TBC1D8: variants seen among roughly 807,000 people sequenced by gnomAD.
TBC1D8 encodes BUB2-like protein 1.
In TBC1D8, 65 loss-of-function variants were observed where a neutral mutation model predicts 118.8. The ratio of observed to expected loss-of-function variants is 0.55; its 90% confidence interval spans 0.45 to 0.67. TBC1D8 has a LOEUF of 0.67. Ranked by LOEUF, TBC1D8 falls within the 30% of genes least tolerant of loss-of-function variation. The pLI is 0.00. For synonymous variants in TBC1D8, 566 were observed against 595.8 expected (o/e 0.95, Z 0.73); for missense variants, 1,376 against 1,471.2 (o/e 0.94, Z 1.06).
At chr2:101,080,559 A>G (rs868812891) in intron 2 of TBC1D8, among the ~76,000 whole-genome samples, 10 of 152,208 alleles carry the variant, frequency 6.6e-5, no homozygotes, top group Non-Finnish European at 1.0e-4. Flanking sequence ...TGCGTCAGAA[A>G]GAACGCTCTG....
intron 16 of TBC1D8, among the ~76,000 whole-genome samples, 196 bp from the exon 17 acceptor site, chr2:101,021,942 G>A (rs188342283): frequency 9.1e-4 from 138 of 152,278 alleles, no homozygotes; most frequent in African/African-American, 3.2e-3. Flanking sequence ...ACGGAACTTT[G>A]TGAATGTTGT....
At chr2:101,128,434 G>A (rs2104250421) in intron 1 of TBC1D8, among the ~76,000 whole-genome samples, 1 of 152,308 alleles carries the variant, frequency 6.6e-6, no homozygotes, top group Non-Finnish European at 1.5e-5. Flanking sequence ...AGGGGCCCAT[G>A]ACTGGGGCCT....
intron 5 of TBC1D8, among the ~76,000 whole-genome samples, chr2:101,046,404 T>C (rs894553615): frequency 1.3e-4 from 20 of 152,222 alleles, no homozygotes; most frequent in Non-Finnish European, 2.1e-4. Flanking sequence ...CTCCATCCTC[T>C]TCCTCCTGTC....
At chr2:101,012,056 A>G (rs919874967) in intron 17 of TBC1D8, among the ~76,000 whole-genome samples, 11 of 152,250 alleles carry the variant, frequency 7.2e-5, no homozygotes, top group African/African-American at 2.7e-4. Flanking sequence ...TCTTAGTATT[A>G]GGAGTGTTCT....
chr2:101,011,064 A>G (rs1679173334), intron 18 of TBC1D8, 38 bp from the exon 19 acceptor site: 2 of 1,590,712 alleles, frequency 1.3e-6, no homozygotes, highest in Non-Finnish European at 8.6e-7. Flanking sequence ...TTTAATTTAA[A>G]TAAATTCAGT....
intron 2 of TBC1D8, among the ~76,000 whole-genome samples, chr2:101,059,808 G>C (rs946958204): frequency 6.6e-6 from 1 of 152,096 alleles, no homozygotes; most frequent in Non-Finnish European, 1.5e-5. Flanking sequence ...GCGTGGTGGC[G>C]GGCACCTGTA....
intron 1 of TBC1D8, among the ~76,000 whole-genome samples, chr2:101,104,997 C>A (rs538900867): frequency 6.7e-6 from 1 of 148,174 alleles, no homozygotes; most frequent in East Asian, 2.0e-4. Context: ...TGCACTCCAG[C>A]CTGGGCAACA....
intron 1 of TBC1D8, among the ~76,000 whole-genome samples, chr2:101,107,654 T>A (rs1395465972): frequency 1.3e-5 from 2 of 152,196 alleles, no homozygotes; most frequent in Non-Finnish European, 2.9e-5. Context: ...AGATTTGGTT[T>A]CTACTACCAT....
intron 2 of TBC1D8, among the ~76,000 whole-genome samples, chr2:101,065,804 A>G (rs1052036844): frequency 1.3e-5 from 2 of 152,244 alleles, no homozygotes; most frequent in Admixed American, 6.5e-5. Context: ...TTAATTTATA[A>G]TTGAAGTGGT....
intron 2 of TBC1D8, among the ~76,000 whole-genome samples, chr2:101,066,971 C>CAAAAAAAAAAAAAAAA (rs1683052417): frequency 7.8e-6 from 1 of 128,500 alleles, no homozygotes. Flanking sequence ...AAAAAAAAAT[C>CAAAAAAAAAAAAAAAA]AAAGTTATAC....
intron 11 of TBC1D8, chr2:101,030,058 T>A (rs1680579880): frequency 3.3e-6 from 1 of 306,248 alleles, no homozygotes; most frequent in African/African-American, 2.1e-5. Context: ...AAAAAATATA[T>A]CTGAAATAGA....
chr2:101,018,526 G>A (rs1679822784), intron 17 of TBC1D8, among the ~76,000 whole-genome samples: 1 of 152,198 alleles, frequency 6.6e-6, no homozygotes, highest in East Asian at 1.9e-4. Flanking sequence ...TTCACAGAAA[G>A]CTGAACACAA....
chr2:101,029,801 C>T (rs1680566964), intron 11 of TBC1D8, 25 bp from the exon 12 acceptor site: 1 of 1,607,124 alleles, frequency 6.2e-7, no homozygotes, highest in Non-Finnish European at 8.5e-7. Context: ...GCACAGGGCT[C>T]TGGCTGGGGT....
intron 17 of TBC1D8, chr2:101,018,925 A>C (rs1457612752): frequency 1.3e-6 from 2 of 1,567,086 alleles, no homozygotes; most frequent in South Asian, 1.2e-5. Flanking sequence ...TTGATGTCCT[A>C]ATCTTCTGGA....
Position 101,111,467 on chromosome 2 carries a change from G to A in TBC1D8, c.128-21103C>T, listed in dbSNP as rs186913042. On this transcript the variant is annotated intron_variant, in intron 1 of 19. Coordinates refer to ENST00000409318, the MANE Select transcript of TBC1D8 (RefSeq NM_001330348.2). ...ACAACACGAATGCCTGAGTGTGTGC[G>A]CGAGTGCAGGTCCGGAGGAGCATTT... is the stretch of plus-strand genomic sequence containing the variant. Among the ~76,000 whole-genome samples the A allele has an allele frequency of 4.3e-3, 662 of 152,324 alleles. 3 individuals carry two copies. Among genetic ancestry groups the A allele is most frequent in the Non-Finnish European group, 6.2e-3 (424 of 68,022 alleles).
At chr2:101,141,190 C>T (rs993614858) in intron 1 of TBC1D8, among the ~76,000 whole-genome samples, 6 of 152,042 alleles carry the variant, frequency 3.9e-5, no homozygotes, top group Admixed American at 2.0e-4. Flanking sequence ...TCAGTTAGAT[C>T]GTGAGTCAAT....
At chr2:101,032,472 AAAAGT>A (rs1680729388) in intron 10 of TBC1D8, 87 bp from the exon 11 acceptor site, 3 of 1,106,822 alleles carry the variant, frequency 2.7e-6, no homozygotes, top group Admixed American at 3.9e-5. Context: ...AACAACCCAC[AAAAGT>A]AAAGATTTCA....
chr2:101,053,958 A>G (rs969993489), intron 4 of TBC1D8, 150 bp downstream of exon 4: 10 of 679,868 alleles, frequency 1.5e-5, no homozygotes, highest in Non-Finnish European at 2.5e-5. Flanking sequence ...TGCTAGCAGT[A>G]GCATATATAA....
intron 10 of TBC1D8, chr2:101,032,605 G>A (rs570531883): frequency 1.4e-4 from 68 of 493,426 alleles, no homozygotes; most frequent in Middle Eastern, 5.3e-4. Flanking sequence ...ACTCAGCTCC[G>A]GTCCCCATCT....
Sources: allele counts gnomAD v4.1 joint callset (sites outside exome capture counted in the v4.1 genomes callset), GRCh38; gene constraint gnomAD v4.1.1; transcripts MANE v1.5; gene names NCBI Gene and HGNC (gene_info 2026-07-23, HGNC 2026-07-21).